Variants in VPS41 observed in about 807,000 individuals in gnomAD.
The protein encoded by VPS41 is vacuolar protein sorting-associated protein 41 homolog.
A neutral mutation model predicts 130.9 loss-of-function variants in VPS41; 85 were observed. The ratio of observed to expected loss-of-function variants is 0.65; its 90% CI spans 0.55 to 0.78. The LOEUF (loss-of-function observed/expected upper bound fraction) is 0.78. Ranked by LOEUF, VPS41 falls within the 30% of genes least tolerant of loss-of-function variation. The pLI, the probability that VPS41 is intolerant of heterozygous loss-of-function variation, is 0.00. For synonymous variants in VPS41, 335 were observed against 332.9 expected (o/e 1.01, Z -0.07); for missense variants, 874 against 1,018.7 (o/e 0.86, Z 1.93).
chr7:38,851,598 T>C (rs1785856951), intron 4 of VPS41, among the ~76,000 whole-genome samples: 1 of 152,236 alleles, frequency 6.6e-6, no homozygotes, highest in Non-Finnish European at 1.5e-5. Context: ...GTTTCCAGTT[T>C]GGGACTATTA....
At chr7:38,799,991 G>A (rs17618395) in intron 7 of VPS41, among the ~76,000 whole-genome samples, 107,894 of 151,950 alleles carry the variant, frequency 0.71, 40,061 homozygotes, top group African/African-American at 0.91. Flanking sequence ...CTTGGACACC[G>A]TCTTTCTGGA....
intron 1 of VPS41, among the ~76,000 whole-genome samples, chr7:38,898,689 A>G (rs1787069625): frequency 6.6e-6 from 1 of 152,342 alleles, no homozygotes; most frequent in African/African-American, 2.4e-5. Context: ...TCTGCCATTT[A>G]ACACAGTTTC....
chr7:38,727,945 C>T (rs915190777), intron 27 of VPS41, among the ~76,000 whole-genome samples: 3 of 152,076 alleles, frequency 2.0e-5, no homozygotes, highest in African/African-American at 7.2e-5. Context: ...TAAACAAATG[C>T]TTATGTCTTT....
intron 6 of VPS41, among the ~76,000 whole-genome samples, chr7:38,818,267 A>C (rs1210518194): frequency 2.0e-5 from 3 of 151,896 alleles, no homozygotes; most frequent in Non-Finnish European, 4.4e-5. Context: ...AAAAAACAGA[A>C]AGAAGCCAAC....
chr7:38,791,112 G>A (rs917232226), intron 9 of VPS41, among the ~76,000 whole-genome samples: 3 of 152,138 alleles, frequency 2.0e-5, no homozygotes, highest in African/African-American at 7.2e-5. Flanking sequence ...AGAAGTGACC[G>A]GCTGTCTTCT....
At chr7:38,756,288 C>A (rs1783792953) in intron 19 of VPS41, among the ~76,000 whole-genome samples, 1 of 151,350 alleles carries the variant, frequency 6.6e-6, no homozygotes, top group Non-Finnish European at 1.5e-5. Context: ...TGAGCTGTGG[C>A]TGGGTCCACT....
At chr7:38,877,144 A>G (rs978878345) in intron 2 of VPS41, among the ~76,000 whole-genome samples, 3 of 152,104 alleles carry the variant, frequency 2.0e-5, no homozygotes, top group African/African-American at 7.2e-5. Context: ...CACCTAACAG[A>G]ACTGTGGGTA....
At chr7:38,822,254 T>C (rs190243915) in intron 5 of VPS41, among the ~76,000 whole-genome samples, 1 of 152,328 alleles carries the variant, frequency 6.6e-6, no homozygotes, top group Non-Finnish European at 1.5e-5. Flanking sequence ...GTTTGATGAA[T>C]TTTTATGACA....
chr7:38,896,030 A>C (rs1250653331), intron 2 of VPS41, among the ~76,000 whole-genome samples: 1 of 151,948 alleles, frequency 6.6e-6, no homozygotes, highest in South Asian at 2.1e-4. Context: ...TTATTTTCCC[A>C]CTTGCACTGA....
At chr7:38,812,802 G>C (rs1416923997) in intron 7 of VPS41, among the ~76,000 whole-genome samples, 1 of 152,094 alleles carries the variant, frequency 6.6e-6, no homozygotes, top group East Asian at 1.9e-4. Context: ...AACATCATCA[G>C]TCATTAGAAG....
intron 4 of VPS41, among the ~76,000 whole-genome samples, chr7:38,841,866 A>T (rs1410332529): frequency 6.6e-6 from 1 of 152,218 alleles, no homozygotes; most frequent in African/African-American, 2.4e-5. Flanking sequence ...GGCCTCCCAA[A>T]GTGCTGGGAT....
intron 25 of VPS41, chr7:38,741,497 T>C (rs1795878314): frequency 1.0e-5 from 2 of 200,436 alleles, no homozygotes; most frequent in South Asian, 9.8e-5. Context: ...AGACAAAAGG[T>C]TAAATAAAAT....
intron 7 of VPS41, among the ~76,000 whole-genome samples, chr7:38,799,898 T>C (rs1253246791): frequency 6.6e-6 from 1 of 152,154 alleles, no homozygotes; most frequent in East Asian, 1.9e-4. Context: ...CAAAATGATA[T>C]GATCAGGCAT....
chr7:38,749,421 A>C (rs992289182), intron 22 of VPS41, among the ~76,000 whole-genome samples: 3 of 152,200 alleles, frequency 2.0e-5, no homozygotes, highest in African/African-American at 7.2e-5. Flanking sequence ...CAAAATTAGA[A>C]AGATATAGTG....
At chr7:38,885,725 G>A (rs868394705) in intron 2 of VPS41, among the ~76,000 whole-genome samples, 40 of 152,230 alleles carry the variant, frequency 2.6e-4, no homozygotes, top group African/African-American at 9.1e-4. Flanking sequence ...AATGTTTATC[G>A]TGAGATGAAT....
chr7:38,855,161 G>C (rs1453608261), intron 4 of VPS41, among the ~76,000 whole-genome samples: 1 of 136,208 alleles, frequency 7.3e-6, no homozygotes, highest in African/African-American at 2.8e-5. Flanking sequence ...AGTGAGCTGA[G>C]ATTGCGCCAC....
chr7:38,907,872 C>A (rs1159184988), intron 1 of VPS41, among the ~76,000 whole-genome samples: 1 of 152,044 alleles, frequency 6.6e-6, no homozygotes, highest in African/African-American at 2.4e-5. Context: ...ACAATCTCAC[C>A]CTTATTCAAA....
intron 2 of VPS41, among the ~76,000 whole-genome samples, chr7:38,883,708 G>A (rs1786662206): frequency 6.6e-6 from 1 of 152,022 alleles, no homozygotes; most frequent in African/African-American, 2.4e-5. Flanking sequence ...TTTCTTCTAG[G>A]TAGTGAAATT....
At chr7:38,845,398 G>A (rs528786886) in intron 4 of VPS41, among the ~76,000 whole-genome samples, 38 of 152,232 alleles carry the variant, frequency 2.5e-4, no homozygotes, top group Admixed American at 8.5e-4. Flanking sequence ...CTGAAATACC[G>A]TTCAAGTTTA....
Sources: gnomAD v4.1 joint callset for allele counts (sites outside exome capture counted in the v4.1 genomes callset) on GRCh38, gnomAD v4.1.1 for gene constraint, MANE v1.5 for transcripts, NCBI Gene and HGNC (gene_info 2026-07-23, HGNC 2026-07-21) for gene names.